Variants in RCOR1 observed in about 807,000 individuals in gnomAD.
RCOR1 encodes REST corepressor 1, also known as REST corepressor.
Under a neutral mutation model 64.0 loss-of-function variants are expected in RCOR1, and 12 were observed. The observed-to-expected ratio is 0.19, with a 90% CI of 0.12 to 0.30. The LOEUF (loss-of-function observed/expected upper bound fraction) is 0.30, where lower values mean the gene tolerates loss of function less well. Among genes scored for constraint, RCOR1 ranks in the 10% least tolerant of loss-of-function variants. The pLI is 1.00. For missense variants in RCOR1, 502 were observed against 621.2 expected, an observed-to-expected ratio of 0.81 and a Z score of 2.04; for synonymous variants, 279 against 227.2, an observed-to-expected ratio of 1.23 and a Z score of -2.05.
intron 2 of RCOR1, among the ~76,000 whole-genome samples, chr14:102,618,835 A>G (rs889833285): frequency 6.6e-5 from 10 of 152,076 alleles, no homozygotes; most frequent in African/African-American, 1.2e-4. Context: ...GATGGTTGAA[A>G]TAGTATGTAG....
intron 2 of RCOR1, among the ~76,000 whole-genome samples, chr14:102,635,853 A>G (rs1894224008): frequency 1.3e-5 from 2 of 152,164 alleles, no homozygotes; most frequent in Admixed American, 1.3e-4. Flanking sequence ...TAAGGTGGGA[A>G]GATCACTTAT....
chr14:102,621,131 A>G (rs1416894628), intron 2 of RCOR1, among the ~76,000 whole-genome samples: 2 of 152,118 alleles, frequency 1.3e-5, no homozygotes, highest in Non-Finnish European at 2.9e-5. Flanking sequence ...CACCATGCCC[A>G]GCTAGTTTTT....
intron 2 of RCOR1, among the ~76,000 whole-genome samples, chr14:102,631,618 C>T (rs887069962): frequency 6.6e-6 from 1 of 152,118 alleles, no homozygotes; most frequent in African/African-American, 2.4e-5. Context: ...ATTATCATCT[C>T]TACAACTTGG....
At chr14:102,629,294 C>T (rs1454952006) in intron 2 of RCOR1, among the ~76,000 whole-genome samples, 1 of 152,136 alleles carries the variant, frequency 6.6e-6, no homozygotes, top group South Asian at 2.1e-4. Flanking sequence ...TTCCTGTTCC[C>T]CTTCCTTGTT....
At chr14:102,662,027 C>G (rs1039090838) in intron 2 of RCOR1, among the ~76,000 whole-genome samples, 2 of 152,104 alleles carry the variant, frequency 1.3e-5, no homozygotes, top group Non-Finnish European at 2.9e-5. Flanking sequence ...TCTCAAAGTG[C>G]TGGGATTATA....
chr14:102,629,249 CA>C (rs1411931697), intron 2 of RCOR1, among the ~76,000 whole-genome samples: 33 of 152,298 alleles, frequency 2.2e-4, no homozygotes, highest in Non-Finnish European at 4.7e-4. Context: ...TTTTCCTCAT[CA>C]GTCTGTCTCA....
intron 2 of RCOR1, among the ~76,000 whole-genome samples, chr14:102,636,155 G>A (rs1894232471): frequency 6.6e-6 from 1 of 152,014 alleles, no homozygotes; most frequent in South Asian, 2.1e-4. Flanking sequence ...AGCCAGGATG[G>A]TCTTGATCTC....
intron 2 of RCOR1, among the ~76,000 whole-genome samples, chr14:102,596,043 C>A (rs1893235787): frequency 6.6e-6 from 1 of 151,842 alleles, no homozygotes; most frequent in Non-Finnish European, 1.5e-5. Flanking sequence ...TGTGTCTTTT[C>A]ATTTAACTTA....
chr14:102,726,396 A>G (rs1896263430), intron 11 of RCOR1, 72 bp from the exon 12 acceptor site: 3 of 1,381,698 alleles, frequency 2.2e-6, no homozygotes, highest in Non-Finnish European at 3.0e-6. Context: ...TTTTCAGTAC[A>G]CTGGAAATAG....
At chr14:102,700,882 T>C (rs577183796) in intron 3 of RCOR1, among the ~76,000 whole-genome samples, 1 of 151,978 alleles carries the variant, frequency 6.6e-6, no homozygotes, top group East Asian at 1.9e-4. Context: ...GAAAAAGAGG[T>C]TTAATGGACT....
In RCOR1 at chr14:102,721,201, T is replaced by G. The variant is rs1365250717; in HGVS notation, c.1131+117T>G. The stretch of plus-strand genomic sequence containing the variant: ...CTCTTGGAAGAGTATATGGACATAA[T>G]TTTATGAACCCAGTTGATGTTAAAA... On this transcript the variant is annotated intron_variant, in intron 9 of 11. Coordinates refer to ENST00000262241, the MANE Select transcript of RCOR1 (RefSeq NM_015156.4). The G allele has an allele frequency of 2.7e-6, 3 of 1,116,092 alleles. No homozygotes were observed. The African/African-American group carries it at 4.7e-5, about 17-fold the overall frequency. 69.1% of individuals were successfully genotyped at this position (1,116,092 alleles called of 1,614,324 possible).
intron 7 of RCOR1, among the ~76,000 whole-genome samples, chr14:102,713,482 C>T (rs958051322): frequency 6.6e-6 from 1 of 151,980 alleles, no homozygotes; most frequent in Admixed American, 6.6e-5. Flanking sequence ...TGGGGTTTCA[C>T]TGTGTTAGCC....
chr14:102,637,346 C>G (rs1036664586), intron 2 of RCOR1, among the ~76,000 whole-genome samples: 1 of 151,846 alleles, frequency 6.6e-6, no homozygotes, highest in Non-Finnish European at 1.5e-5. Context: ...AGGCTGGTCT[C>G]GAACCTCCTG....
intron 2 of RCOR1, among the ~76,000 whole-genome samples, chr14:102,632,616 T>G: frequency 4.7e-5 from 1 of 21,054 alleles, no homozygotes; most frequent in South Asian, 1.7e-3. Flanking sequence ...ATGCTATCCT[T>G]TCCTTTCCTT....
chr14:102,714,376 AT>A, intron 7 of RCOR1, 46 bp from the exon 8 acceptor site: 1 of 1,289,108 alleles, frequency 7.8e-7, no homozygotes, highest in Non-Finnish European at 1.1e-6. Flanking sequence ...ATTACTGATC[AT>A]TTGACTTTTT....
chr14:102,649,440 C>T (rs1315518945), intron 2 of RCOR1, among the ~76,000 whole-genome samples: 1 of 152,154 alleles, frequency 6.6e-6, no homozygotes, highest in African/African-American at 2.4e-5. Context: ...GGAAATTGTC[C>T]ACTCCACAGT....
intron 2 of RCOR1, among the ~76,000 whole-genome samples, chr14:102,602,394 CTTTTTTTT>C (rs66743592): frequency 2.9e-5 from 3 of 104,242 alleles, no homozygotes; most frequent in East Asian, 2.6e-4. Flanking sequence ...CTTTTCTTTT[CTTTTTTTT>C]TTTTTTTTTT....
intron 2 of RCOR1, among the ~76,000 whole-genome samples, chr14:102,602,394 CTTTTTTT>C (rs66743592): frequency 1.3e-4 from 14 of 104,238 alleles, no homozygotes; most frequent in Admixed American, 4.3e-4. Flanking sequence ...CTTTTCTTTT[CTTTTTTT>C]TTTTTTTTTT....
At chr14:102,703,949 G>T (rs1326238784) in intron 4 of RCOR1, among the ~76,000 whole-genome samples, 1 of 152,204 alleles carries the variant, frequency 6.6e-6, no homozygotes, top group South Asian at 2.1e-4. Flanking sequence ...GGCATCTTAC[G>T]TTGGAGCTGC....
Sources: gnomAD v4.1 joint callset for allele counts (sites outside exome capture counted in the v4.1 genomes callset) on GRCh38, gnomAD v4.1.1 for gene constraint, MANE v1.5 for transcripts, NCBI Gene and HGNC (gene_info 2026-07-23, HGNC 2026-07-21) for gene names.